The following SMYD3 variants were observed in gnomAD, a reference collection of about 807,000 sequenced individuals.
SMYD3 encodes histone-lysine N-methyltransferase SMYD3.
Under a neutral mutation model 57.7 loss-of-function variants are expected in SMYD3, and 36 were observed. The observed-to-expected ratio is 0.62, with a 90% CI of 0.48 to 0.82. The LOEUF (loss-of-function observed/expected upper bound fraction) is 0.82, where lower values mean the gene tolerates loss of function less well. SMYD3 is among the 40% of genes least tolerant of loss of function. SMYD3 has a pLI of 0.00. For missense variants in SMYD3, 515 were observed against 538.8 expected, an observed-to-expected ratio of 0.96 and a Z score of 0.44; for synonymous variants, 211 against 195.0, an observed-to-expected ratio of 1.08 and a Z score of -0.68.
rs570669087 is a variant in SMYD3 at position 246,276,613 on chromosome 1, G to A, written c.531+50588C>T. Among the ~76,000 whole-genome samples the A allele has an allele frequency of 1.0e-3, 151 of 150,908 alleles. 1 individual carries two copies. The highest frequency in any genetic ancestry group is 3.3e-3 in the African/African-American group (136 of 41,038). On this transcript the variant is annotated intron_variant, in intron 5 of 11. Transcript: ENST00000490107. Reference sequence around the variant, plus strand: ...CACTAACTCCATTTTTTCACTACCCGTATTAACACTGGCAGGTTATTTAAT... The same window carrying A: ...CACTAACTCCATTTTTTCACTACCCATATTAACACTGGCAGGTTATTTAAT...
intron 10 of SMYD3, among the ~76,000 whole-genome samples, chr1:245,841,436 T>G (rs1333652058): frequency 2.0e-5 from 3 of 152,200 alleles, no homozygotes; most frequent in Non-Finnish European, 2.9e-5. Context: ...TTCCCTCATT[T>G]CCTCCATGAC....
At chr1:246,348,060 T>C (rs11585394) in intron 2 of SMYD3, among the ~76,000 whole-genome samples, 30,903 of 83,540 alleles carry the variant, frequency 0.37, 7,837 homozygotes, top group East Asian at 0.59. Context: ...AAAGAAAACG[T>C]TATATATATA....
At chr1:245,822,874 C>T (rs983480856) in intron 10 of SMYD3, among the ~76,000 whole-genome samples, 1 of 152,180 alleles carries the variant, frequency 6.6e-6, no homozygotes, top group Non-Finnish European at 1.5e-5. Flanking sequence ...CTCTTCAAAT[C>T]TCTACTAGAA....
intron 5 of SMYD3, among the ~76,000 whole-genome samples, chr1:246,234,966 A>G (rs58471606): frequency 0.21 from 31,474 of 151,764 alleles, 3,945 homozygotes; most frequent in East Asian, 0.58. Context: ...AAGCAGGAGT[A>G]GGTGTGAAAA....
chr1:245,868,155 T>C (rs1239226575), intron 8 of SMYD3, among the ~76,000 whole-genome samples: 1 of 152,188 alleles, frequency 6.6e-6, no homozygotes, highest in African/African-American at 2.4e-5. Flanking sequence ...CCTCACAACA[T>C]CTTTGAAAGG....
At chr1:246,354,785 G>A (rs2027371) in intron 2 of SMYD3, among the ~76,000 whole-genome samples, 117,972 of 152,048 alleles carry the variant, frequency 0.78, 45,968 homozygotes, top group Middle Eastern at 0.86. Flanking sequence ...AGATGGGGAG[G>A]AATAGACATT....
intron 10 of SMYD3, among the ~76,000 whole-genome samples, chr1:245,775,637 G>A (rs1267044584): frequency 6.7e-5 from 10 of 150,030 alleles, no homozygotes; most frequent in Non-Finnish European, 1.0e-4. Flanking sequence ...TTTATCTGCC[G>A]ACCTTCCCTC....
chr1:245,859,365 A>G (rs1205274348), intron 9 of SMYD3, among the ~76,000 whole-genome samples: 1 of 152,222 alleles, frequency 6.6e-6, no homozygotes, highest in Non-Finnish European at 1.5e-5. Context: ...CTGGCAAGGG[A>G]AACGATGCTT....
chr1:246,186,098 C>T lies in SMYD3; in HGVS notation c.531+141103G>A, dbSNP rs187164140. 3.1e-3 allele frequency among the ~76,000 whole-genome samples: 474 copies of T among 152,130 alleles called. 4 individuals carry two copies. The highest frequency in any genetic ancestry group is 0.011 in the African/African-American group (452 of 41,496). ...TAACATAAATAGTTCCCTTAATTCC[C>T]AGAATTGTGGTTTTTTACTGTATTG... On this transcript the variant is annotated intron_variant, in intron 5 of 11. Transcript: ENST00000490107.
chr1:246,266,013 G>T (rs1266974665), intron 5 of SMYD3, among the ~76,000 whole-genome samples: 1 of 152,192 alleles, frequency 6.6e-6, no homozygotes, highest in Non-Finnish European at 1.5e-5. Context: ...GTGCAACTGA[G>T]TTCCTTCCTT....
chr1:246,110,007 T>C (rs1014357407), intron 5 of SMYD3: 1 of 152,234 alleles, frequency 6.6e-6, no homozygotes, highest in African/African-American at 2.4e-5. Flanking sequence ...TGGTTAAAAG[T>C]TGGTGCTTCA....
rs2062543480 is a variant in SMYD3 at position 246,181,045 on chromosome 1, T to G, written c.531+146156A>C. Among the ~76,000 whole-genome samples the G allele has an allele frequency of 2.6e-5, 4 of 152,162 alleles. No homozygotes were observed. The South Asian group carries it at 8.3e-4, about 32-fold the overall frequency. On this transcript the variant is annotated intron_variant, in intron 5 of 11. Transcript: ENST00000490107. ...GTGATCATTTAACTATGAAAATTACTATCATTCATCTCTCCACATGCATTC... is the reference window on the plus strand; with the variant it reads ...GTGATCATTTAACTATGAAAATTACGATCATTCATCTCTCCACATGCATTC...
rs113344451 is a variant in SMYD3, at chr1:246,183,931, T to C, written c.531+143270A>G. ...GGTATTACTAAAAGGATTTACAAGG[T>C]GGTAACAGGATACATATCAAAGTCA... On this transcript the variant is annotated intron_variant, in intron 5 of 11. Transcript: ENST00000490107. Among the ~76,000 whole-genome samples the C allele has an allele frequency of 1.6e-3, 237 of 152,296 alleles. 1 individual carries two copies. Among genetic ancestry groups the C allele is most frequent in the African/African-American group, 5.4e-3 (225 of 41,556 alleles).
At chr1:246,281,686 G>C (rs568031013) in intron 5 of SMYD3, among the ~76,000 whole-genome samples, 2 of 152,224 alleles carry the variant, frequency 1.3e-5, no homozygotes, top group Non-Finnish European at 2.9e-5. Flanking sequence ...AAAGAATGTA[G>C]CTACTAAATA....
intron 10 of SMYD3, among the ~76,000 whole-genome samples, chr1:245,855,352 G>A (rs190056279): frequency 2.5e-4 from 38 of 152,228 alleles, no homozygotes; most frequent in Admixed American, 5.2e-4. Flanking sequence ...CCATACAGTG[G>A]TGCTATCAAA....
chr1:246,373,176 T>G (rs1572433052), intron 1 of SMYD3, among the ~76,000 whole-genome samples: 2 of 152,296 alleles, frequency 1.3e-5, no homozygotes, highest in Middle Eastern at 3.4e-3. Context: ...TGGGGTGATT[T>G]CCCCCTCCTT....
intron 5 of SMYD3, among the ~76,000 whole-genome samples, chr1:246,033,509 C>G (rs114752594): frequency 1.3e-5 from 2 of 152,104 alleles, no homozygotes; most frequent in African/African-American, 4.8e-5. Context: ...ATGTTCTGGC[C>G]GGGTGCTGGC....
chr1:246,263,839 A>G (rs960598026), intron 5 of SMYD3, among the ~76,000 whole-genome samples: 2 of 152,196 alleles, frequency 1.3e-5, no homozygotes, highest in African/African-American at 2.4e-5. Context: ...CCACTTCTTC[A>G]TATCTTAAGT....
chr1:246,420,532 C>T (rs116060844), intron 1 of SMYD3, among the ~76,000 whole-genome samples: 2,603 of 152,226 alleles, frequency 0.017, 35 homozygotes, highest in South Asian at 0.038. Flanking sequence ...ATGTGAAGAA[C>T]AACAGTTTTA....
Sources: gnomAD v4.1 joint callset for allele counts (sites outside exome capture counted in the v4.1 genomes callset) on GRCh38, gnomAD v4.1.1 for gene constraint, MANE v1.5 for transcripts, NCBI Gene and HGNC (gene_info 2026-07-23, HGNC 2026-07-21) for gene names.